DENND4C: variants seen among roughly 807,000 people sequenced by gnomAD.
The protein encoded by DENND4C is DENN domain containing 4C, also known as DENN domain-containing protein 4C.
A neutral mutation model predicts 203.0 loss-of-function variants in DENND4C; 108 were observed. The ratio of observed to expected loss-of-function variants is 0.53; its 90% CI spans 0.46 to 0.62. DENND4C has a LOEUF of 0.62. DENND4C is among the 20% of genes least tolerant of loss of function. The probability of loss-of-function intolerance (pLI) is 0.00; values close to 1 mark genes in which losing one functional copy is unlikely to be tolerated. For synonymous variants in DENND4C, 871 were observed against 792.4 expected (o/e 1.10, Z -1.67); for missense variants, 2,481 against 2,301.2 (o/e 1.08, Z -1.60).
At chr9:19,371,994 T>C in intron 32 of DENND4C, 43 bp from the exon 33 acceptor site, 1 of 1,588,632 alleles carries the variant, frequency 6.3e-7, no homozygotes, top group Non-Finnish European at 8.6e-7. Context: ...GGCTGTTGTC[T>C]TTCTTAACAA....
intron 1 of DENND4C, among the ~76,000 whole-genome samples, chr9:19,267,127 C>T (rs1830666671): frequency 6.6e-6 from 1 of 152,030 alleles, no homozygotes; most frequent in Non-Finnish European, 1.5e-5. Context: ...CTGTTTGGTC[C>T]ATTTAGTCTA....
In DENND4C at chr9:19,372,547, C is replaced by T. The variant is rs373391004; in HGVS notation, c.*374C>T. The T allele has an allele frequency of 3.1e-5, 5 of 163,034 alleles. No homozygotes were observed. Among genetic ancestry groups the T allele is most frequent in the African/African-American group, 1.2e-4 (5 of 41,682 alleles). The allele number at this position is 163,034 out of a possible 1,614,324, so 10.1% of individuals were successfully genotyped here. ...GGAATGGCAAATTAAATTTGCCTAA[C>T]CCCCAAAACAAATGAAATATCTCAA... On this transcript the variant is annotated 3_prime_UTR_variant, in exon 33 of 33. Coordinates refer to ENST00000434457, the MANE Select transcript of DENND4C (RefSeq NM_001330640.2).
intron 1 of DENND4C, among the ~76,000 whole-genome samples, chr9:19,260,468 G>T (rs1354613449): frequency 2.0e-5 from 3 of 151,932 alleles, no homozygotes; most frequent in Non-Finnish European, 1.5e-5. Context: ...CATGATCTCG[G>T]CTTACTGCAA....
At chr9:19,237,143 C>G (rs984668976) in intron 1 of DENND4C, among the ~76,000 whole-genome samples, 1 of 152,030 alleles carries the variant, frequency 6.6e-6, no homozygotes, top group Non-Finnish European at 1.5e-5. Flanking sequence ...GCCTCAGCTT[C>G]CTGAGTAGCT....
At chr9:19,366,966 T>C (rs539256134) in intron 30 of DENND4C, among the ~76,000 whole-genome samples, 4 of 152,342 alleles carry the variant, frequency 2.6e-5, no homozygotes, top group African/African-American at 9.6e-5. Flanking sequence ...AAAGGATTTG[T>C]ACCCAGACTA....
rs1316348066 is a variant in DENND4C, at chr9:19,276,422, CA to C, written c.249del (p.Glu84AsnfsTer34). On this transcript the variant is annotated frameshift_variant, in exon 2 of 33. Transcript: ENST00000434457. LOFTEE classifies it high-confidence loss of function. ...ANLNYGSLKS[P>X]ELFLCYKRGR... ...TTGAACTATGGAAGTCTGAAAAGCC[CA>C]GAACTTTTCCTCTGTTATAAGAGAG... The C allele has an allele frequency of 8.1e-7, 1 of 1,231,958 alleles. No homozygotes were observed. Among genetic ancestry groups the C allele is most frequent in the Non-Finnish European group, 1.0e-6 (1 of 987,954 alleles). The allele number at this position is 1,231,958 out of a possible 1,614,324, so 76.3% of individuals were successfully genotyped here. A position where few individuals can be genotyped will look rare whatever the true frequency, so the allele number is the denominator to read the frequency against.
Position 19,352,598 on chromosome 9 carries a change from C to T in DENND4C, c.4714C>T (p.Pro1572Ser). The change falls in exon 26 of 33, where the codon CCA becomes TCA. Residue 1572 changes from proline to serine, a missense_variant. Physicochemically the swap from Pro to Ser is moderately conservative, Grantham distance 74 (BLOSUM62 -1). Transcript: ENST00000434457. Reference protein sequence around the residue: ...ADDSNLNTACPFCKSNFLPLL... With the variant: ...ADDSNLNTACSFCKSNFLPLL... Reference sequence around the variant, plus strand: ...TGACTCAAATTTGAATACAGCTTGTCCATTCTGTAAAAGCAACTTCTTGCC... The same window carrying T: ...TGACTCAAATTTGAATACAGCTTGTTCATTCTGTAAAAGCAACTTCTTGCC... 6.2e-7 allele frequency: 1 copy of T among 1,613,452 alleles called. No homozygotes were observed. Among genetic ancestry groups the T allele is most frequent in the South Asian group, 1.1e-5 (1 of 90,978 alleles).
chr9:19,369,878 G>T lies in DENND4C; in HGVS notation c.5566G>T (p.Glu1856Ter). 6.2e-7 allele frequency: 1 copy of T among 1,611,492 alleles called. No individual in the cohort carries two copies. ...ATCTCTCCTGTCAGAGGAACAACAAGAAACAAGCACTTTAGTAGAAACCAT... is the reference window on the plus strand; with the variant it reads ...ATCTCTCCTGTCAGAGGAACAACAATAAACAAGCACTTTAGTAGAAACCAT... The part of the protein sequence containing the change: ...KSSLLSEEQQ[E>*]TSTLVETIRQ... Residue 1856 changes from glutamate (E) to a stop codon, truncating the protein, a stop_gained, in exon 31 of 33, where the codon GAA becomes TAA. Transcript: ENST00000434457. LOFTEE classifies it high-confidence loss of function.
At position 19,324,514 on chromosome 9, in the gene DENND4C, GT is replaced by G. The variant is rs776356130; in HGVS notation, c.1953+10del. The G allele has an allele frequency of 2.5e-6, 4 of 1,598,432 alleles. No homozygotes were observed. The Admixed American group carries it at 5.6e-5, about 22-fold the overall frequency. On this transcript the variant is annotated splice_region_variant and intron_variant, in intron 13 of 32. Coordinates refer to ENST00000434457, the MANE Select transcript of DENND4C (RefSeq NM_001330640.2). Reference sequence around the variant, plus strand: ...TGATGACTGCATAGAAAAGGTAAAAGTTTGTACTTATACTAGTGTTTAGAAA... The same window carrying G: ...TGATGACTGCATAGAAAAGGTAAAAGTTGTACTTATACTAGTGTTTAGAAA...
At position 19,295,910 on chromosome 9, in the gene DENND4C, G is replaced by A. The variant is rs935694206; in HGVS notation, c.802-98G>A. 87 of 902,040 alleles carry A rather than the reference G, an allele frequency of 9.6e-5. 1 individual carries two copies. The highest frequency in any genetic ancestry group is 5.7e-4 in the Middle Eastern group (2 of 3,502). 55.9% of individuals were successfully genotyped at this position (902,040 alleles called of 1,614,324 possible). A position where few individuals can be genotyped will look rare whatever the true frequency, so the allele number is the denominator to read the frequency against. Reference sequence around the variant, plus strand: ...TTTTTCATAATTTATCTGTATAAGTGTACTCCAAGCAAATATTTCTTGTGT... The same window carrying A: ...TTTTTCATAATTTATCTGTATAAGTATACTCCAAGCAAATATTTCTTGTGT... On this transcript the variant is annotated intron_variant, in intron 5 of 32. Transcript: ENST00000434457.
intron 10 of DENND4C, among the ~76,000 whole-genome samples, chr9:19,307,624 G>A (rs1321213213): frequency 6.6e-6 from 1 of 151,588 alleles, no homozygotes; most frequent in Non-Finnish European, 1.5e-5. Flanking sequence ...ACAAAAATTA[G>A]CCAGGCATGG....
intron 5 of DENND4C, among the ~76,000 whole-genome samples, chr9:19,291,624 G>C (rs1836317655): frequency 6.6e-6 from 1 of 150,544 alleles, no homozygotes; most frequent in Non-Finnish European, 1.5e-5. Context: ...AGAATTGCTT[G>C]AACCCGGGAG....
chr9:19,258,755 G>A (rs200015739), intron 1 of DENND4C, among the ~76,000 whole-genome samples: 2 of 151,908 alleles, frequency 1.3e-5, no homozygotes, highest in African/African-American at 4.8e-5. Context: ...TCTGGGTTCA[G>A]GAGATTCTCC....
chr9:19,252,013 T>C (rs1826731463), intron 1 of DENND4C, among the ~76,000 whole-genome samples: 1 of 152,176 alleles, frequency 6.6e-6, no homozygotes, highest in Non-Finnish European at 1.5e-5. Context: ...TTTTCAGCAG[T>C]GCCCCACTCT....
chr9:19,343,085 G>T (rs1343865269), intron 22 of DENND4C, among the ~76,000 whole-genome samples: 1 of 152,118 alleles, frequency 6.6e-6, no homozygotes, highest in Non-Finnish European at 1.5e-5. Flanking sequence ...AGGGCTTCCT[G>T]TATGCATCAT....
chr9:19,279,462 G>A (rs919286251), intron 2 of DENND4C, among the ~76,000 whole-genome samples: 2 of 152,064 alleles, frequency 1.3e-5, no homozygotes, highest in African/African-American at 4.8e-5. Flanking sequence ...ATCACTTGTG[G>A]TCAGGAGTTC....
chr9:19,242,763 G>A (rs62560342), intron 1 of DENND4C, among the ~76,000 whole-genome samples: 1 of 151,552 alleles, frequency 6.6e-6, no homozygotes, highest in Non-Finnish European at 1.5e-5. Context: ...TGAAGTGATT[G>A]TCCTGCCTCA....
chr9:19,332,279 C>A, intron 17 of DENND4C, 95 bp downstream of exon 17: 3 of 961,850 alleles, frequency 3.1e-6, no homozygotes, highest in Non-Finnish European at 4.9e-6. Context: ...TGTGCTCAAG[C>A]ATTTTCATTA....
intron 2 of DENND4C, among the ~76,000 whole-genome samples, chr9:19,283,866 A>G (rs940748858): frequency 6.6e-6 from 1 of 152,054 alleles, no homozygotes; most frequent in Non-Finnish European, 1.5e-5. Flanking sequence ...AAGTGCTGGG[A>G]TTATAGGCGT....
Sources: gnomAD v4.1 joint callset for allele counts (sites outside exome capture counted in the v4.1 genomes callset) on GRCh38, gnomAD v4.1.1 for gene constraint, MANE v1.5 for transcripts, NCBI Gene and HGNC (gene_info 2026-07-23, HGNC 2026-07-21) for gene names.